CDC34: variants seen among roughly 807,000 people sequenced by gnomAD.
The protein encoded by CDC34 is ubiquitin-conjugating enzyme E2 R1.
CDC34 carries 18 observed loss-of-function variants against 26.8 expected under a neutral mutation model. The ratio of observed to expected loss-of-function variants is 0.67; its 90% CI spans 0.47 to 1.00. The LOEUF (loss-of-function observed/expected upper bound fraction) is 1.00. CDC34 is among the 50% of genes least tolerant of loss of function. The pLI is 0.00. For missense variants in CDC34, 280 were observed against 334.5 expected, an observed-to-expected ratio of 0.84 and a Z score of 1.27; for synonymous variants, 178 against 147.5, an observed-to-expected ratio of 1.21 and a Z score of -1.50.
intron 1 of CDC34, among the ~76,000 whole-genome samples, chr19:535,256 G>A (rs1600422302): frequency 6.6e-6 from 1 of 152,362 alleles, no homozygotes; most frequent in East Asian, 1.9e-4. Flanking sequence ...CTATGGGTCT[G>A]CCTGCCTGAC....
chr19:540,990 C>G (rs1979985734), intron 4 of CDC34, among the ~76,000 whole-genome samples: 1 of 152,190 alleles, frequency 6.6e-6, no homozygotes, highest in Non-Finnish European at 1.5e-5. Context: ...CTGAGGAAGG[C>G]TTTTGCCCCC....
intron 4 of CDC34, 176 bp from the exon 5 acceptor site, chr19:541,163 C>T: frequency 1.2e-6 from 1 of 808,628 alleles, no homozygotes; most frequent in Non-Finnish European, 1.8e-6. Context: ...GCCCCCTCCT[C>T]TGTCATTTCT....
chr19:533,613 G>T (rs2145845547), intron 1 of CDC34, among the ~76,000 whole-genome samples: 1 of 152,370 alleles, frequency 6.6e-6, no homozygotes, highest in Middle Eastern at 3.4e-3. Flanking sequence ...TCGAAGCCAG[G>T]CCTGTGAGGC....
At position 532,033 on chromosome 19, in the gene CDC34, C is replaced by G; in HGVS notation, c.102C>G (p.Asp34Glu). 1.3e-6 allele frequency: 2 copies of G among 1,518,162 alleles called. No homozygotes were observed. The highest frequency in any genetic ancestry group is 1.8e-6 in the Non-Finnish European group (2 of 1,142,254). The allele number at this position is 1,518,162 out of a possible 1,614,324, so 94.0% of individuals were successfully genotyped here. Residue 34 changes from aspartate (D) to glutamate (E), a missense_variant, in exon 1 of 5, where the codon GAC (aspartate) becomes GAG (glutamate). By Grantham distance (45) the Asp-to-Glu change is conservative (BLOSUM62 2). Transcript: ENST00000215574. ...AGGGATTCCGCGTGACACTGGTGGA[C>G]GAGGGCGATCTATACAACTGGGAGG... ...PVEGFRVTLV[D>E]EGDLYNWEVA...
intron 1 of CDC34, among the ~76,000 whole-genome samples, chr19:535,072 A>G (rs1368916604): frequency 6.6e-6 from 1 of 152,232 alleles, no homozygotes; most frequent in African/African-American, 2.4e-5. Context: ...GTGGCCCAGG[A>G]GGGCCGTGGG....
At chr19:535,787 C>T (rs760558808) in intron 1 of CDC34, 50 bp from the exon 2 acceptor site, 6 of 1,422,534 alleles carry the variant, frequency 4.2e-6, no homozygotes, top group Non-Finnish European at 5.9e-6. Context: ...TGAGCTGGGG[C>T]AGGTCTTGGG....
intron 4 of CDC34, among the ~76,000 whole-genome samples, chr19:539,878 G>A (rs1468367101): frequency 6.6e-6 from 1 of 152,192 alleles, no homozygotes; most frequent in Non-Finnish European, 1.5e-5. Flanking sequence ...GCGCGGTGCA[G>A]CCCCTCATAG....
intron 1 of CDC34, 48 bp from the exon 2 acceptor site, chr19:535,788 AG>A: frequency 7.0e-7 from 1 of 1,425,598 alleles, no homozygotes; most frequent in Non-Finnish European, 9.9e-7. Context: ...GAGCTGGGGC[AG>A]GTCTTGGGGC....
intron 1 of CDC34, among the ~76,000 whole-genome samples, chr19:533,634 C>T (rs1295359856): frequency 6.6e-6 from 1 of 152,234 alleles, no homozygotes; most frequent in African/African-American, 2.4e-5. Context: ...GGCTGCTGTT[C>T]TGGAAGGAGG....
At chr19:536,412 A>G in intron 3 of CDC34, 72 bp downstream of exon 3, 2 of 1,191,764 alleles carry the variant, frequency 1.7e-6, no homozygotes, top group Non-Finnish European at 1.2e-6. Flanking sequence ...ATCCACCCAG[A>G]CCATCAGGTA....
At position 541,561 on chromosome 19, in the gene CDC34, GA is replaced by G. The variant is rs1453648255; in HGVS notation, c.*11del. ...GCACGGAGGAGTCCTGACACCACCA[GA>G]ATAAACTTGCCGAGTTTACCTCACT... is the stretch of plus-strand genomic sequence containing the variant. On this transcript the variant is annotated 3_prime_UTR_variant, in exon 5 of 5. Transcript: ENST00000215574. 3 of 1,558,188 alleles carry G rather than the reference GA, an allele frequency of 1.9e-6. No homozygotes were observed. The highest frequency in any genetic ancestry group is 2.6e-6 in the Non-Finnish European group (3 of 1,149,266).
rs372864316 is a variant in CDC34, at chr19:536,228, C to G, written c.265-15C>G. 1 of 1,595,638 alleles carries G rather than the reference C, an allele frequency of 6.3e-7. No individual in the cohort carries two copies. The highest frequency in any genetic ancestry group is 8.5e-7 in the Non-Finnish European group (1 of 1,170,478). ...TGACCTCTGACCTGTTCTGACCTGT[C>G]TTCTTCTTGTGCAGACGGGGGACGT... is the stretch of plus-strand genomic sequence containing the variant. On this transcript the variant is annotated splice_polypyrimidine_tract_variant and intron_variant, in intron 2 of 4. Transcript: ENST00000215574.
At chr19:533,385 C>T (rs917894634) in intron 1 of CDC34, among the ~76,000 whole-genome samples, 1 of 152,218 alleles carries the variant, frequency 6.6e-6, no homozygotes, top group Admixed American at 6.5e-5. Context: ...GTGTCTGAAC[C>T]GCACCCGCTC....
intron 4 of CDC34, among the ~76,000 whole-genome samples, chr19:537,651 C>CTGTTTTTTT (rs1979820757): frequency 1.5e-5 from 1 of 67,088 alleles, no homozygotes; most frequent in Non-Finnish European, 2.8e-5. Context: ...CGCGGCCGGC[C>CTGTTTTTTT]TTTTTTTTTT....
intron 1 of CDC34, among the ~76,000 whole-genome samples, chr19:532,789 G>C (rs562765177): frequency 3.0e-4 from 45 of 152,290 alleles, no homozygotes; most frequent in African/African-American, 1.1e-3. Flanking sequence ...CTGCGCCCTC[G>C]GGAAGGCCGA....
chr19:541,240 C>T, intron 4 of CDC34, 99 bp from the exon 5 acceptor site: 1 of 1,411,988 alleles, frequency 7.1e-7, no homozygotes, highest in Non-Finnish European at 9.3e-7. Flanking sequence ...TTAAGAGAAA[C>T]CTGAGCGTTG....
intron 1 of CDC34, among the ~76,000 whole-genome samples, chr19:534,993 C>G (rs1054573639): frequency 6.6e-6 from 1 of 152,220 alleles, no homozygotes; most frequent in African/African-American, 2.4e-5. Context: ...GGACCCCTGA[C>G]CCAGACAACC....
chr19:535,789 G>C (rs765897894), intron 1 of CDC34, 48 bp from the exon 2 acceptor site: 10 of 1,455,114 alleles, frequency 6.9e-6, no homozygotes, highest in Non-Finnish European at 1.9e-6. Context: ...AGCTGGGGCA[G>C]GTCTTGGGGC....
At chr19:533,395 C>A (rs16990517) in intron 1 of CDC34, among the ~76,000 whole-genome samples, 1 of 152,246 alleles carries the variant, frequency 6.6e-6, no homozygotes, top group Non-Finnish European at 1.5e-5. Flanking sequence ...CGCACCCGCT[C>A]AGCGGCTGTG....
Sources: allele counts gnomAD v4.1 joint callset (sites outside exome capture counted in the v4.1 genomes callset), GRCh38; gene constraint gnomAD v4.1.1; transcripts MANE v1.5; gene names NCBI Gene and HGNC (gene_info 2026-07-23, HGNC 2026-07-21).